Variants in TAF2 observed in about 807,000 individuals in gnomAD.
TAF2 encodes transcription initiation factor TFIID subunit 2.
TAF2 carries 61 observed loss-of-function variants against 138.5 expected under a neutral mutation model. The observed-to-expected ratio is 0.44, with a 90% confidence interval of 0.36 to 0.54. The LOEUF (loss-of-function observed/expected upper bound fraction) is 0.54, where lower values mean the gene tolerates loss of function less well. Ranked by LOEUF, TAF2 falls within the 20% of genes least tolerant of loss-of-function variation. The pLI is 0.00. For synonymous variants in TAF2, 475 were observed against 469.9 expected (o/e 1.01, Z -0.14); for missense variants, 1,090 against 1,427.9 (o/e 0.76, Z 3.81).
chr8:119,734,586 C>A (rs1273904712), intron 25 of TAF2, among the ~76,000 whole-genome samples: 1 of 152,106 alleles, frequency 6.6e-6, no homozygotes, highest in Non-Finnish European at 1.5e-5. Flanking sequence ...AATGCTATTC[C>A]CTATGCTTGG....
chr8:119,760,036 C>CT (rs386413813), intron 20 of TAF2, among the ~76,000 whole-genome samples: 1 of 152,098 alleles, frequency 6.6e-6, no homozygotes, highest in African/African-American at 2.4e-5. Flanking sequence ...TACGCCCCCC[C>CT]AGAGTATTCT....
At chr8:119,790,471 G>T (rs1462430450) in intron 11 of TAF2, among the ~76,000 whole-genome samples, 1 of 151,734 alleles carries the variant, frequency 6.6e-6, no homozygotes, top group Non-Finnish European at 1.5e-5. Flanking sequence ...AAGGCAAGGT[G>T]AAGGACAGAA....
intron 22 of TAF2, among the ~76,000 whole-genome samples, chr8:119,751,586 C>T (rs894723498): frequency 3.3e-5 from 5 of 152,132 alleles, no homozygotes; most frequent in African/African-American, 1.2e-4. Flanking sequence ...ACTTTAGCAA[C>T]TATCTCTTCA....
At chr8:119,747,851 T>C (rs1028207878) in intron 22 of TAF2, among the ~76,000 whole-genome samples, 3 of 152,110 alleles carry the variant, frequency 2.0e-5, no homozygotes, top group African/African-American at 7.2e-5. Flanking sequence ...CGGCTAGGCA[T>C]GGTGGCTCAT....
intron 2 of TAF2, among the ~76,000 whole-genome samples, chr8:119,823,025 C>T (rs752034284): frequency 6.6e-6 from 1 of 152,120 alleles, no homozygotes; most frequent in Non-Finnish European, 1.5e-5. Context: ...TCCTTTAGCA[C>T]CCACTCCCCA....
Position 119,781,194 on chromosome 8 carries a change from C to G in TAF2, c.2113-1G>C, listed in dbSNP as rs1340113713. 1.2e-6 allele frequency: 2 copies of G among 1,613,862 alleles called. No individual in the cohort carries two copies. The highest frequency in any genetic ancestry group is 3.3e-5 in the Admixed American group (2 of 60,006). ...ATGTGCTCACCATTGAATTTGCAATCTGCAAATAATTAGAAAACAAAGTAA... is the reference window on the plus strand; with the variant it reads ...ATGTGCTCACCATTGAATTTGCAATGTGCAAATAATTAGAAAACAAAGTAA... On this transcript the variant is annotated splice_acceptor_variant, in intron 16 of 25. Transcript: ENST00000378164. LOFTEE classifies it high-confidence loss of function.
At chr8:119,769,814 G>T (rs1033940518) in intron 18 of TAF2, among the ~76,000 whole-genome samples, 2 of 150,938 alleles carry the variant, frequency 1.3e-5, no homozygotes, top group Admixed American at 1.3e-4. Context: ...CTGGAGTGAA[G>T]TGGCGCGATC....
chr8:119,768,350 G>A (rs576175461), intron 18 of TAF2, among the ~76,000 whole-genome samples: 2 of 152,280 alleles, frequency 1.3e-5, no homozygotes, highest in African/African-American at 4.8e-5. Context: ...TACCATGAAG[G>A]TGCATCATTA....
At chr8:119,791,989 A>T (rs1406586635) in intron 10 of TAF2, 1 of 152,898 alleles carries the variant, frequency 6.5e-6, no homozygotes, top group East Asian at 1.9e-4. Flanking sequence ...GATCATAAGT[A>T]AATTTAGAGA....
chr8:119,772,320 G>A (rs1355018648), intron 18 of TAF2, among the ~76,000 whole-genome samples: 1 of 152,196 alleles, frequency 6.6e-6, no homozygotes, highest in East Asian at 1.9e-4. Flanking sequence ...ACTGCAGTTG[G>A]AAGCCATTAT....
chr8:119,799,521 A>G (rs1025084731), intron 6 of TAF2, among the ~76,000 whole-genome samples: 2 of 152,198 alleles, frequency 1.3e-5, no homozygotes, highest in Non-Finnish European at 2.9e-5. Flanking sequence ...TCCATGATGC[A>G]TATGTGCCAC....
At chr8:119,755,044 T>C (rs537029626) in intron 22 of TAF2, among the ~76,000 whole-genome samples, 2 of 152,368 alleles carry the variant, frequency 1.3e-5, no homozygotes, top group East Asian at 3.9e-4. Flanking sequence ...TTAATTCTAT[T>C]TGTAGTAGGT....
chr8:119,760,847 G>A (rs777755089), intron 19 of TAF2, 109 bp from the exon 20 acceptor site: 66 of 1,437,360 alleles, frequency 4.6e-5, no homozygotes, highest in Non-Finnish European at 6.4e-5. Flanking sequence ...AAACTGATGT[G>A]ATTTTAATCC....
intron 16 of TAF2, among the ~76,000 whole-genome samples, chr8:119,781,704 T>G (rs1367192130): frequency 6.6e-6 from 1 of 151,996 alleles, no homozygotes; most frequent in Non-Finnish European, 1.5e-5. Flanking sequence ...TTTCCTCTTT[T>G]TTTTTTTTGG....
At chr8:119,796,907 CA>C in intron 8 of TAF2, 82 bp downstream of exon 8, 1 of 968,594 alleles carries the variant, frequency 1.0e-6, no homozygotes, top group Admixed American at 1.8e-5. Context: ...GCAATTAGGG[CA>C]AAGGTCAGCT....
rs1257094455 is a variant in TAF2 at position 119,742,608 on chromosome 8, T to A, written c.3263A>T (p.Gln1088Leu). The stretch of plus-strand genomic sequence containing the variant: ...TGTGCTGTCACAGCCTGCTGAGTGC[T>A]GGGGTATTAAAGCAGATCGGGAGCT... ...PASSRSALIP[Q>L]HSAGCDSTPT... The change falls in exon 25 of 26, where the codon CAG becomes CTG. Residue 1088 changes from glutamine (Q) to leucine (L), a missense_variant. Coordinates refer to ENST00000378164, the MANE Select transcript of TAF2 (RefSeq NM_003184.4). The A allele has an allele frequency of 6.2e-7, 1 of 1,613,956 alleles. No individual in the cohort carries two copies. Among genetic ancestry groups the A allele is most frequent in the South Asian group, 1.1e-5 (1 of 91,078 alleles).
chr8:119,770,059 CA>C (rs1405948594), intron 18 of TAF2, among the ~76,000 whole-genome samples: 1 of 118,144 alleles, frequency 8.5e-6, no homozygotes, highest in Non-Finnish European at 1.8e-5. Context: ...ACGCAGCCCC[CA>C]ATTTTTTTTT....
intron 21 of TAF2, among the ~76,000 whole-genome samples, chr8:119,757,111 T>C (rs1820753217): frequency 6.6e-6 from 1 of 152,152 alleles, no homozygotes; most frequent in Non-Finnish European, 1.5e-5. Flanking sequence ...GAGAAAGAGA[T>C]GGGAGAAAAG....
intron 2 of TAF2, among the ~76,000 whole-genome samples, chr8:119,829,334 G>A (rs1826294219): frequency 6.6e-6 from 1 of 152,106 alleles, no homozygotes; most frequent in Non-Finnish European, 1.5e-5. Flanking sequence ...TCTATTAAAA[G>A]ACACAGGTCC....
Sources: allele counts gnomAD v4.1 joint callset (sites outside exome capture counted in the v4.1 genomes callset), GRCh38; gene constraint gnomAD v4.1.1; transcripts MANE v1.5; gene names NCBI Gene and HGNC (gene_info 2026-07-23, HGNC 2026-07-21).